The following SCAPER variants were observed in gnomAD, a reference collection of about 807,000 sequenced individuals.
SCAPER encodes the protein S-phase cyclin A associated protein in the ER.
SCAPER carries 98 observed loss-of-function variants against 182.2 expected under a neutral mutation model. The ratio of observed to expected loss-of-function variants is 0.54; its 90% CI spans 0.46 to 0.64. The LOEUF (loss-of-function observed/expected upper bound fraction) is 0.64, where lower values mean the gene tolerates loss of function less well. Ranked by LOEUF, SCAPER falls within the 30% of genes least tolerant of loss-of-function variation. SCAPER has a pLI of 0.00. For missense variants in SCAPER, 1,432 were observed against 1,690.0 expected (o/e 0.85, Z 2.68); for synonymous variants, 605 against 564.6 (o/e 1.07, Z -1.01).
At chr15:76,716,329 C>G (rs756487551) in intron 17 of SCAPER, among the ~76,000 whole-genome samples, 2 of 152,104 alleles carry the variant, frequency 1.3e-5, no homozygotes, top group African/African-American at 2.4e-5. Context: ...CCCCTTCCCA[C>G]TCTGTAAAGT....
chr15:76,904,428 T>G (rs891793667), intron 1 of SCAPER, among the ~76,000 whole-genome samples: 12 of 152,194 alleles, frequency 7.9e-5, no homozygotes, highest in African/African-American at 2.9e-4. Flanking sequence ...GCTATTTTCA[T>G]GGAAAATAAC....
intron 11 of SCAPER, 105 bp downstream of exon 11, chr15:76,766,813 A>G: frequency 1.2e-6 from 1 of 866,616 alleles, no homozygotes; most frequent in Non-Finnish European, 1.7e-6. Flanking sequence ...TTTTAAATAA[A>G]TAATTCTAAA....
At chr15:76,565,707 TTTG>T (rs1468927129) in intron 23 of SCAPER, among the ~76,000 whole-genome samples, 1 of 152,168 alleles carries the variant, frequency 6.6e-6, no homozygotes, top group Non-Finnish European at 1.5e-5. Flanking sequence ...ACACCTGCTT[TTTG>T]TTGTTTCTTT....
intron 23 of SCAPER, among the ~76,000 whole-genome samples, chr15:76,569,368 A>T (rs1296114585): frequency 6.6e-6 from 1 of 152,144 alleles, no homozygotes; most frequent in Non-Finnish European, 1.5e-5. Flanking sequence ...AGCAAACTTA[A>T]ATATCTTGAA....
intron 23 of SCAPER, among the ~76,000 whole-genome samples, chr15:76,521,138 T>G (rs539259808): frequency 6.6e-6 from 1 of 152,254 alleles, no homozygotes; most frequent in South Asian, 2.1e-4. Context: ...TAGCAAGGAA[T>G]GTGAAAATCA....
intron 14 of SCAPER, among the ~76,000 whole-genome samples, chr15:76,762,405 T>C (rs1398490473): frequency 1.3e-5 from 2 of 151,342 alleles, no homozygotes; most frequent in Non-Finnish European, 2.9e-5. Context: ...TTGATTTCTC[T>C]TTAGCATTTG....
At chr15:76,542,297 C>A (rs905056132) in intron 23 of SCAPER, among the ~76,000 whole-genome samples, 4 of 151,788 alleles carry the variant, frequency 2.6e-5, no homozygotes, top group African/African-American at 9.7e-5. Flanking sequence ...CTGAGGCAGG[C>A]AGATCATTTG....
intron 5 of SCAPER, among the ~76,000 whole-genome samples, chr15:76,807,535 TTAC>T (rs2066262859): frequency 6.6e-6 from 1 of 152,082 alleles, no homozygotes; most frequent in African/African-American, 2.4e-5. Context: ...TTTTTATTTT[TTAC>T]TTTTTTTATT....
chr15:76,660,573 G>A (rs762319305), intron 21 of SCAPER, among the ~76,000 whole-genome samples: 12 of 151,910 alleles, frequency 7.9e-5, no homozygotes, highest in Non-Finnish European at 1.5e-4. Context: ...AAGAAACTAA[G>A]AATAGAAGAA....
Position 76,775,072 on chromosome 15 carries a change from G to A in SCAPER, c.818C>T (p.Pro273Leu), listed in dbSNP as rs2151337589. 6.2e-7 allele frequency: 1 copy of A among 1,613,616 alleles called. No homozygotes were observed. The highest frequency in any genetic ancestry group is 8.5e-7 in the Non-Finnish European group (1 of 1,179,722). Residue 273 changes from proline (P) to leucine (L), a missense_variant, in exon 9 of 32, where the codon CCT (proline) becomes CTT (leucine). By Grantham distance (98) the Pro-to-Leu change is moderately conservative. Coordinates refer to ENST00000563290, the MANE Select transcript of SCAPER (RefSeq NM_020843.4). ...CACTGCTGTTGATCGAGAACGAATA[G>A]GCCTTCCTCTCTGAACGGTCTCCCA... ...EGWETVQRGR[P>L]IRSRSTAVMP... is the part of the protein sequence containing the mutation.
At chr15:76,842,045 A>C in intron 4 of SCAPER, 114 bp from the exon 5 acceptor site, 1 of 884,194 alleles carries the variant, frequency 1.1e-6, no homozygotes, top group Non-Finnish European at 1.7e-6. Context: ...AATAAAAAGC[A>C]TCTGTACTGA....
At chr15:76,713,447 C>T (rs1026295852) in intron 17 of SCAPER, among the ~76,000 whole-genome samples, 10 of 151,884 alleles carry the variant, frequency 6.6e-5, no homozygotes, top group African/African-American at 1.9e-4. Flanking sequence ...TACTATGCAG[C>T]CATAAAAAAT....
intron 21 of SCAPER, among the ~76,000 whole-genome samples, chr15:76,659,529 C>CA (rs2055949199): frequency 6.6e-6 from 1 of 152,324 alleles, no homozygotes; most frequent in African/African-American, 2.4e-5. Flanking sequence ...CACAGCCTCC[C>CA]AAAGTGTTGG....
chr15:76,758,280 T>A (rs1458799661), intron 14 of SCAPER, among the ~76,000 whole-genome samples: 2 of 152,192 alleles, frequency 1.3e-5, no homozygotes, highest in Non-Finnish European at 2.9e-5. Flanking sequence ...AAGATAAGCA[T>A]CCAATTTCAA....
chr15:76,796,311 T>C (rs1233191348), intron 7 of SCAPER, among the ~76,000 whole-genome samples: 1 of 152,146 alleles, frequency 6.6e-6, no homozygotes, highest in Non-Finnish European at 1.5e-5. Flanking sequence ...TCCTGTGTAC[T>C]CCTCATTTGA....
intron 23 of SCAPER, among the ~76,000 whole-genome samples, chr15:76,559,968 C>G (rs1207225312): frequency 1.3e-5 from 2 of 151,952 alleles, no homozygotes; most frequent in African/African-American, 4.8e-5. Flanking sequence ...ATGTTTACTA[C>G]TTTGTAAAGA....
At chr15:76,870,639 G>T (rs1390998134) in intron 2 of SCAPER, among the ~76,000 whole-genome samples, 3 of 151,800 alleles carry the variant, frequency 2.0e-5, no homozygotes. Flanking sequence ...CAATGAATGG[G>T]TTTAACAAGA....
chr15:76,804,950 T>A (rs1278420620), intron 5 of SCAPER, among the ~76,000 whole-genome samples: 1 of 152,172 alleles, frequency 6.6e-6, no homozygotes, highest in African/African-American at 2.4e-5. Flanking sequence ...GCTGCACACT[T>A]GTAGTCCCAG....
chr15:76,855,457 CAAAA>C (rs34226154), intron 4 of SCAPER, among the ~76,000 whole-genome samples: 18 of 116,324 alleles, frequency 1.5e-4, no homozygotes, highest in African/African-American at 3.7e-4. Context: ...TTCTGCACAG[CAAAA>C]AAAAAAAAAA....
Sources: allele counts gnomAD v4.1 joint callset (sites outside exome capture counted in the v4.1 genomes callset), GRCh38; gene constraint gnomAD v4.1.1; transcripts MANE v1.5; gene names NCBI Gene and HGNC (gene_info 2026-07-23, HGNC 2026-07-21).